Variants in TRAPPC9 observed in about 807,000 individuals in gnomAD.
TRAPPC9 encodes the protein IKK2 binding protein.
A neutral mutation model predicts 124.0 loss-of-function variants in TRAPPC9; 83 were observed. The ratio of observed to expected loss-of-function variants is 0.67; its 90% CI spans 0.56 to 0.80. The LOEUF (loss-of-function observed/expected upper bound fraction) is 0.80, where lower values mean the gene tolerates loss of function less well. Among genes scored for constraint, TRAPPC9 ranks in the 30% least tolerant of loss-of-function variants. TRAPPC9 has a pLI of 0.00. For missense variants in TRAPPC9, 1,302 were observed against 1,508.3 expected, an observed-to-expected ratio of 0.86 and a Z score of 2.27; for synonymous variants, 638 against 617.5, an observed-to-expected ratio of 1.03 and a Z score of -0.49.
At chr8:139,939,955 C>T (rs187320139) in intron 19 of TRAPPC9, among the ~76,000 whole-genome samples, 3 of 152,350 alleles carry the variant, frequency 2.0e-5, no homozygotes, top group Admixed American at 1.3e-4. Context: ...CCTGATCTCT[C>T]GAGAGAACCA....
At chr8:140,057,037 T>C (rs1471355696) in intron 17 of TRAPPC9, among the ~76,000 whole-genome samples, 2 of 152,156 alleles carry the variant, frequency 1.3e-5, no homozygotes, top group South Asian at 2.1e-4. Context: ...AAGATTTAAA[T>C]AGAAACATTT....
intron 16 of TRAPPC9, among the ~76,000 whole-genome samples, chr8:140,242,157 A>G (rs954128000): frequency 8.1e-6 from 1 of 122,772 alleles, no homozygotes; most frequent in Non-Finnish European, 1.6e-5. Context: ...AGAGAGAGAG[A>G]GAGAGAGGGA....
At chr8:140,280,616 T>G (rs1055359725) in intron 14 of TRAPPC9, among the ~76,000 whole-genome samples, 2 of 151,948 alleles carry the variant, frequency 1.3e-5, no homozygotes, top group African/African-American at 4.8e-5. Flanking sequence ...TTTTTTTTAG[T>G]AGAGACAGGG....
At chr8:140,180,960 G>A (rs1405723001) in intron 17 of TRAPPC9, among the ~76,000 whole-genome samples, 4 of 152,130 alleles carry the variant, frequency 2.6e-5, no homozygotes, top group African/African-American at 9.7e-5. Context: ...TGATGTACTT[G>A]TTCAATTTAA....
At chr8:140,362,284 A>G (rs1422561981) in intron 8 of TRAPPC9, among the ~76,000 whole-genome samples, 1 of 152,282 alleles carries the variant, frequency 6.6e-6, no homozygotes, top group Middle Eastern at 3.4e-3. Flanking sequence ...AAACCCTCCC[A>G]TGTTGCGGAC....
chr8:140,016,076 A>G (rs918408329), intron 18 of TRAPPC9, among the ~76,000 whole-genome samples: 22 of 152,208 alleles, frequency 1.4e-4, no homozygotes, highest in African/African-American at 3.6e-4. Flanking sequence ...CTCAAGAATT[A>G]GTACAACGTT....
chr8:139,876,547 C>A (rs1587068691), intron 21 of TRAPPC9, among the ~76,000 whole-genome samples: 1 of 152,342 alleles, frequency 6.6e-6, no homozygotes, highest in African/African-American at 2.4e-5. Flanking sequence ...GCTGACTGAT[C>A]TGGAACCCCA....
Position 139,749,511 on chromosome 8 carries a change from C to G in TRAPPC9, c.3056-17309G>C, listed in dbSNP as rs1264175129. ...TGGGCGCCATGTCCAGAACTTCTTC[C>G]TACCATGAAAAGGTGCCATGCTTGT... On this transcript the variant is annotated intron_variant, in intron 21 of 22. Coordinates refer to ENST00000438773, the MANE Select transcript of TRAPPC9 (RefSeq NM_001160372.4). 2.0e-4 allele frequency among the ~76,000 whole-genome samples: 31 copies of G among 152,178 alleles called. 1 individual carries two copies. Among genetic ancestry groups the G allele is most frequent in the Non-Finnish European group, 8.8e-5 (6 of 68,024 alleles).
intron 17 of TRAPPC9, among the ~76,000 whole-genome samples, chr8:140,085,448 A>G (rs891219418): frequency 6.6e-6 from 1 of 151,920 alleles, no homozygotes; most frequent in African/African-American, 2.4e-5. Flanking sequence ...AATATAAACC[A>G]TCCTTTCTTT....
intron 21 of TRAPPC9, among the ~76,000 whole-genome samples, chr8:139,767,239 G>A (rs940401788): frequency 6.6e-6 from 1 of 152,230 alleles, no homozygotes; most frequent in African/African-American, 2.4e-5. Context: ...CACACAGCTA[G>A]ACAGGGTACA....
At chr8:139,768,645 C>T (rs1264444805) in intron 21 of TRAPPC9, among the ~76,000 whole-genome samples, 1 of 152,160 alleles carries the variant, frequency 6.6e-6, no homozygotes, top group Non-Finnish European at 1.5e-5. Flanking sequence ...AGCATGACTT[C>T]CGTTTTCATT....
intron 5 of TRAPPC9, among the ~76,000 whole-genome samples, chr8:140,424,159 TTTA>T (rs2070339437): frequency 6.9e-6 from 1 of 144,136 alleles, no homozygotes; most frequent in African/African-American, 2.9e-5. Flanking sequence ...TGTTTGTTTT[TTTA>T]AAAAAAAGCA....
chr8:140,024,202 C>T (rs930716776), intron 17 of TRAPPC9, 123 bp from the exon 18 acceptor site: 7 of 1,244,326 alleles, frequency 5.6e-6, no homozygotes, highest in East Asian at 2.4e-5. Context: ...GTCAAGTCAT[C>T]AGCATTGGCC....
In TRAPPC9 at chr8:140,291,075, A is replaced by G; in HGVS notation, c.1772T>C (p.Phe591Ser). Residue 591 changes from phenylalanine to serine, a missense_variant, in exon 12 of 23, where the codon TTC becomes TCC. By Grantham distance (155) the Phe-to-Ser change is radical (BLOSUM62 -2). This residue lies in a region of TRAPPC9 where 657 missense variants were observed against 811.2 expected (regional missense o/e 0.81). Coordinates refer to ENST00000438773, the MANE Select transcript of TRAPPC9 (RefSeq NM_001160372.4). The stretch of plus-strand genomic sequence containing the variant: ...ACACACATCTCCTTGAACCCACTGG[A>G]AATCTAGAAAATACACACACATAAA... ...RGEERNKKID[F>S]QWVQGDVCEV... The G allele has an allele frequency of 6.2e-7, 1 of 1,613,854 alleles. No homozygotes were observed. The highest frequency in any genetic ancestry group is 8.5e-7 in the Non-Finnish European group (1 of 1,179,704).
rs1275998374 is a variant in TRAPPC9, at chr8:139,798,195, G to A, written c.3056-65993C>T. On this transcript the variant is annotated intron_variant, in intron 21 of 22. Coordinates refer to ENST00000438773, the MANE Select transcript of TRAPPC9 (RefSeq NM_001160372.4). ...CTTTAATTTCTTTTAACAATGTTTTGTAATTTTCAGTGTACATGCTATGCT... is the reference window on the plus strand; with the variant it reads ...CTTTAATTTCTTTTAACAATGTTTTATAATTTTCAGTGTACATGCTATGCT... Among the ~76,000 whole-genome samples, 4 of 152,088 alleles carry A rather than the reference G, an allele frequency of 2.6e-5. No individual in the cohort carries two copies. In the East Asian group the frequency reaches 7.7e-4, roughly 29 times the overall value.
At chr8:140,032,044 G>A (rs1238854702) in intron 17 of TRAPPC9, among the ~76,000 whole-genome samples, 2 of 152,210 alleles carry the variant, frequency 1.3e-5, no homozygotes, top group African/African-American at 4.8e-5. Context: ...AGTGCAGAGG[G>A]CCGCCACGTC....
At chr8:140,452,247 C>T (rs2071489588) in intron 1 of TRAPPC9, among the ~76,000 whole-genome samples, 1 of 151,516 alleles carries the variant, frequency 6.6e-6, no homozygotes, top group Admixed American at 6.6e-5. Context: ...GGTGAAACCC[C>T]ATCTTTACTA....
Position 140,090,547 on chromosome 8 carries a change from C to G in TRAPPC9, c.2557-66468G>C, listed in dbSNP as rs73725399. Among the ~76,000 whole-genome samples the G allele has an allele frequency of 3.7e-3, 560 of 152,356 alleles. 2 individuals are homozygous for G. Among genetic ancestry groups the G allele is most frequent in the African/African-American group, 0.013 (521 of 41,588 alleles). On this transcript the variant is annotated intron_variant, in intron 17 of 22. Coordinates refer to ENST00000438773, the MANE Select transcript of TRAPPC9 (RefSeq NM_001160372.4). ...AACCAGGTGACTCATTTCCAGGTCA[C>G]CCGGGAGACCAGGGGGTTGGAGCTA...
At chr8:140,194,748 C>T (rs1011529492) in intron 17 of TRAPPC9, among the ~76,000 whole-genome samples, 1 of 152,192 alleles carries the variant, frequency 6.6e-6, no homozygotes, top group African/African-American at 2.4e-5. Flanking sequence ...TGTATGCCTA[C>T]ACTTACACAC....
Sources: allele counts gnomAD v4.1 joint callset (sites outside exome capture counted in the v4.1 genomes callset), GRCh38; gene constraint gnomAD v4.1.1; regional missense constraint gnomAD v4.1.1; transcripts MANE v1.5; gene names NCBI Gene and HGNC (gene_info 2026-07-23, HGNC 2026-07-21).